Variants in UGGT2 observed in about 807,000 individuals in gnomAD.
The protein encoded by UGGT2 is UDP-glucose glycoprotein glucosyltransferase 2, also known as UDP-glucose:glycoprotein glucosyltransferase 2.
UGGT2 carries 180 observed loss-of-function variants against 192.1 expected under a neutral mutation model. That is an observed-to-expected ratio of 0.94 (90% CI 0.83 to 1.06). The LOEUF (loss-of-function observed/expected upper bound fraction) is 1.06. UGGT2 is among the 50% of genes least tolerant of loss of function. The pLI is 0.00. For missense variants in UGGT2, 1,849 were observed against 1,795.7 expected, an observed-to-expected ratio of 1.03 and a Z score of -0.54; for synonymous variants, 580 against 591.0, an observed-to-expected ratio of 0.98 and a Z score of 0.27.
At chr13:95,984,840 G>C (rs2051240174) in intron 9 of UGGT2, 1 of 152,230 alleles carries the variant, frequency 6.6e-6, no homozygotes, top group Non-Finnish European at 1.5e-5. Context: ...CCTTGAAACA[G>C]CCCACAATAA....
chr13:95,912,296 T>G (rs1200696234), intron 20 of UGGT2, among the ~76,000 whole-genome samples: 1 of 152,206 alleles, frequency 6.6e-6, no homozygotes, highest in Non-Finnish European at 1.5e-5. Context: ...AAAGTCAAAT[T>G]GTCCCTGTTT....
At chr13:96,037,744 T>C (rs2053046639) in intron 1 of UGGT2, among the ~76,000 whole-genome samples, 1 of 152,232 alleles carries the variant, frequency 6.6e-6, no homozygotes, top group Non-Finnish European at 1.5e-5. Flanking sequence ...TCTGCCCAGC[T>C]CCTTCAACCT....
chr13:95,893,324 T>C (rs1225518021), intron 24 of UGGT2, among the ~76,000 whole-genome samples: 1 of 152,166 alleles, frequency 6.6e-6, no homozygotes, highest in East Asian at 1.9e-4. Flanking sequence ...GGCAAAGATA[T>C]AATACTGTGT....
chr13:95,851,755 T>TC (rs1448489791), intron 36 of UGGT2, among the ~76,000 whole-genome samples: 7 of 152,130 alleles, frequency 4.6e-5, no homozygotes, highest in Non-Finnish European at 1.0e-4. Flanking sequence ...AGGACAATCA[T>TC]CCCCAAAATG....
At chr13:95,887,855 A>G in intron 26 of UGGT2, 37 bp downstream of exon 26, 1 of 1,337,610 alleles carries the variant, frequency 7.5e-7, no homozygotes, top group Non-Finnish European at 1.1e-6. Flanking sequence ...AGCATTTACA[A>G]ATTTTTCAAA....
At position 95,856,138 on chromosome 13, in the gene UGGT2, A is replaced by G; in HGVS notation, c.4008+20T>C. ...AAAAAATGTTTGCGTATTACTAAAA[A>G]TAGTAGTTAACCTTATTACCTGGTC... is the stretch of plus-strand genomic sequence containing the variant. On this transcript the variant is annotated intron_variant, in intron 34 of 38. Transcript: ENST00000376747. The G allele has an allele frequency of 6.3e-7, 1 of 1,578,770 alleles. No homozygotes were observed. The highest frequency in any genetic ancestry group is 2.3e-5 in the East Asian group (1 of 44,432).
At chr13:96,032,738 GT>G (rs1223138388) in intron 1 of UGGT2, among the ~76,000 whole-genome samples, 1 of 152,136 alleles carries the variant, frequency 6.6e-6, no homozygotes, top group Non-Finnish European at 1.5e-5. Context: ...TCTAGGCTTG[GT>G]AAACTTAAAC....
chr13:95,966,526 C>T (rs2050584955), intron 12 of UGGT2, among the ~76,000 whole-genome samples: 3 of 152,054 alleles, frequency 2.0e-5, no homozygotes, highest in African/African-American at 4.8e-5. Flanking sequence ...CAATATATTA[C>T]ATAATTCAAA....
chr13:95,944,433 T>A (rs1305985671), intron 15 of UGGT2, among the ~76,000 whole-genome samples: 1 of 152,078 alleles, frequency 6.6e-6, no homozygotes, highest in South Asian at 2.1e-4. Flanking sequence ...TGAATCTGAA[T>A]CTGTGACTCT....
chr13:96,037,370 T>C (rs1263673177), intron 1 of UGGT2, among the ~76,000 whole-genome samples: 1 of 152,226 alleles, frequency 6.6e-6, no homozygotes, highest in Admixed American at 6.5e-5. Flanking sequence ...AGCTATTTTT[T>C]GTATTTTTAG....
chr13:95,868,714 T>C (rs73558608), intron 29 of UGGT2, among the ~76,000 whole-genome samples: 1,591 of 152,284 alleles, frequency 0.01, 31 homozygotes, highest in African/African-American at 0.036. Flanking sequence ...CTTAAGGGCA[T>C]TGACAACTTT....
chr13:95,911,692 T>A (rs1269484849), intron 20 of UGGT2, among the ~76,000 whole-genome samples: 1 of 150,744 alleles, frequency 6.6e-6, no homozygotes, highest in Non-Finnish European at 1.5e-5. Flanking sequence ...CTGAAACTAT[T>A]CCAATCAATA....
chr13:95,914,604 A>C (rs1644706723), intron 20 of UGGT2, among the ~76,000 whole-genome samples: 1 of 127,338 alleles, frequency 7.9e-6, no homozygotes, highest in Non-Finnish European at 1.6e-5. Flanking sequence ...GTGAAACTCC[A>C]TCTCTACTAA....
chr13:95,846,748 T>G (rs1436913790), intron 36 of UGGT2, among the ~76,000 whole-genome samples: 1 of 152,226 alleles, frequency 6.6e-6, no homozygotes, highest in Non-Finnish European at 1.5e-5. Context: ...GATACAGTGT[T>G]ATTCAGGTTA....
intron 1 of UGGT2, among the ~76,000 whole-genome samples, chr13:96,041,641 G>A (rs2053167296): frequency 6.6e-6 from 1 of 152,082 alleles, no homozygotes; most frequent in Non-Finnish European, 1.5e-5. Context: ...TCTCAGCCCT[G>A]CTCGCCCACC....
chr13:95,936,469 T>C (rs1277606556), intron 17 of UGGT2, among the ~76,000 whole-genome samples: 5 of 152,188 alleles, frequency 3.3e-5, no homozygotes, highest in Non-Finnish European at 5.9e-5. Flanking sequence ...GCCTCCCTGC[T>C]CAGACATGGT....
intron 36 of UGGT2, among the ~76,000 whole-genome samples, chr13:95,843,033 G>C (rs1888029128): frequency 6.6e-6 from 1 of 152,122 alleles, no homozygotes; most frequent in Admixed American, 6.5e-5. Context: ...AATACAGGGG[G>C]GTTGTTTCTA....
intron 36 of UGGT2, among the ~76,000 whole-genome samples, chr13:95,846,859 T>C (rs147575390): frequency 6.6e-6 from 1 of 152,238 alleles, no homozygotes; most frequent in East Asian, 1.9e-4. Context: ...ATTCTAATAG[T>C]CCCTTGATTA....
intron 7 of UGGT2, among the ~76,000 whole-genome samples, chr13:95,994,367 ACT>A (rs1415765549): frequency 4.0e-5 from 6 of 151,862 alleles, no homozygotes; most frequent in East Asian, 1.9e-4. Context: ...TAAAAATAAC[ACT>A]GAGTTTAAAA....
Sources: allele counts gnomAD v4.1 joint callset (sites outside exome capture counted in the v4.1 genomes callset), GRCh38; gene constraint gnomAD v4.1.1; transcripts MANE v1.5; gene names NCBI Gene and HGNC (gene_info 2026-07-23, HGNC 2026-07-21).